ITFG1: variants seen among roughly 807,000 people sequenced by gnomAD.
ITFG1 encodes the protein T-cell immunomodulatory protein.
ITFG1 carries 34 observed loss-of-function variants against 81.8 expected under a neutral mutation model. The observed-to-expected ratio is 0.42, with a 90% CI of 0.32 to 0.55. ITFG1 has a LOEUF of 0.55. Among genes scored for constraint, ITFG1 ranks in the 20% least tolerant of loss-of-function variants. The pLI is 0.17. For missense variants in ITFG1, 672 were observed against 755.4 expected (o/e 0.89, Z 1.29); for synonymous variants, 285 against 270.6 (o/e 1.05, Z -0.52).
At chr16:47,450,546 T>A (rs892910374) in intron 5 of ITFG1, 1 of 230,696 alleles carries the variant, frequency 4.3e-6, no homozygotes, top group Non-Finnish European at 9.0e-6. Context: ...TACCTACAAA[T>A]CACATTTCAA....
chr16:47,302,821 T>A (rs1342067261), intron 10 of ITFG1, among the ~76,000 whole-genome samples: 1 of 152,252 alleles, frequency 6.6e-6, no homozygotes. Context: ...CTAATTCTCA[T>A]GCCACTGTGC....
At chr16:47,237,674 C>G (rs1359565171) in intron 13 of ITFG1, among the ~76,000 whole-genome samples, 1 of 152,024 alleles carries the variant, frequency 6.6e-6, no homozygotes, top group Admixed American at 6.5e-5. Flanking sequence ...GGCATCTAAT[C>G]TAAACAAGTG....
intron 10 of ITFG1, among the ~76,000 whole-genome samples, chr16:47,293,026 CTA>C (rs1236611755): frequency 4.7e-5 from 7 of 148,444 alleles, no homozygotes; most frequent in Admixed American, 6.8e-5. Context: ...TGCTCTCTCT[CTA>C]TATATATATG....
At chr16:47,312,214 T>C (rs973037628) in intron 9 of ITFG1, 1 of 152,214 alleles carries the variant, frequency 6.6e-6, no homozygotes, top group Admixed American at 6.5e-5. Flanking sequence ...AAGTTATAGT[T>C]GTGCCCACAA....
chr16:47,344,963 C>A (rs1967831970), intron 8 of ITFG1, among the ~76,000 whole-genome samples: 1 of 152,184 alleles, frequency 6.6e-6, no homozygotes, highest in Non-Finnish European at 1.5e-5. Flanking sequence ...CTTATCCATT[C>A]ATCTGTTGAT....
intron 14 of ITFG1, among the ~76,000 whole-genome samples, chr16:47,189,059 C>A (rs1965261295): frequency 6.6e-6 from 1 of 152,190 alleles, no homozygotes; most frequent in Non-Finnish European, 1.5e-5. Context: ...CCACCACACC[C>A]AGCCCCATAA....
chr16:47,433,857 AATATATATATATATATATATATATATAT>A (rs4038737), intron 5 of ITFG1, among the ~76,000 whole-genome samples: 1,355 of 38,398 alleles, frequency 0.035, 63 homozygotes, highest in African/African-American at 0.085. Flanking sequence ...ATAAAAACTG[AATATATATATATATATATATATATATAT>A]ATATATATAT....
chr16:47,324,614 T>A (rs1325758722), intron 8 of ITFG1, among the ~76,000 whole-genome samples: 1 of 152,060 alleles, frequency 6.6e-6, no homozygotes, highest in Admixed American at 6.6e-5. Flanking sequence ...GAGACACACA[T>A]AGGCTCAAAA....
intron 5 of ITFG1, among the ~76,000 whole-genome samples, chr16:47,444,945 T>G (rs1969304061): frequency 6.6e-6 from 1 of 152,118 alleles, no homozygotes; most frequent in African/African-American, 2.4e-5. Context: ...CTCTCAACAA[T>G]AATGGATTTT....
At chr16:47,160,055 ATACTGT>A (rs1964776790) in intron 16 of ITFG1, among the ~76,000 whole-genome samples, 1 of 152,090 alleles carries the variant, frequency 6.6e-6, no homozygotes, top group Admixed American at 6.6e-5. Flanking sequence ...AAGAAAACAA[ATACTGT>A]TAATTAGTTG....
At chr16:47,222,676 G>A (rs1409806157) in intron 13 of ITFG1, among the ~76,000 whole-genome samples, 1 of 152,230 alleles carries the variant, frequency 6.6e-6, no homozygotes, top group African/African-American at 2.4e-5. Context: ...GCCTCCCAAA[G>A]TGCTGGGATT....
intron 8 of ITFG1, among the ~76,000 whole-genome samples, chr16:47,322,131 C>A (rs1041422365): frequency 6.6e-6 from 1 of 152,018 alleles, no homozygotes; most frequent in East Asian, 1.9e-4. Context: ...GAGAAGTCTA[C>A]AAAGTACTAG....
intron 8 of ITFG1, among the ~76,000 whole-genome samples, chr16:47,345,872 C>G (rs1434907151): frequency 6.6e-6 from 1 of 152,174 alleles, no homozygotes; most frequent in Middle Eastern, 3.2e-3. Flanking sequence ...ATGCACCCAA[C>G]ATCGGAGCAC....
At chr16:47,365,625 G>A in intron 8 of ITFG1, 163 bp downstream of exon 8, 1 of 486,988 alleles carries the variant, frequency 2.1e-6, no homozygotes, top group Non-Finnish European at 3.7e-6. Flanking sequence ...GAATTGACAT[G>A]TCACATACAA....
chr16:47,359,776 T>C (rs1968086126), intron 8 of ITFG1, among the ~76,000 whole-genome samples: 1 of 152,234 alleles, frequency 6.6e-6, no homozygotes, highest in Non-Finnish European at 1.5e-5. Flanking sequence ...CTTCTACAAC[T>C]TCACTCAAGT....
chr16:47,270,717 C>T (rs992154348), intron 10 of ITFG1, among the ~76,000 whole-genome samples: 1 of 152,056 alleles, frequency 6.6e-6, no homozygotes, highest in African/African-American at 2.4e-5. Flanking sequence ...GAATATTCCT[C>T]AGGAATAATA....
chr16:47,452,704 C>T (rs1353734500), intron 4 of ITFG1, 29 bp downstream of exon 4: 9 of 1,466,026 alleles, frequency 6.1e-6, no homozygotes, highest in Non-Finnish European at 7.5e-6. Flanking sequence ...AGTTTAAAAT[C>T]GTTTCAAAGG....
intron 6 of ITFG1, among the ~76,000 whole-genome samples, chr16:47,404,222 G>A (rs1235965235): frequency 6.6e-6 from 1 of 152,090 alleles, no homozygotes; most frequent in Non-Finnish European, 1.5e-5. Context: ...TATGGTAAGT[G>A]CACTTATTAC....
chr16:47,430,575 T>C (rs997924464), intron 5 of ITFG1, among the ~76,000 whole-genome samples: 1 of 152,142 alleles, frequency 6.6e-6, no homozygotes, highest in African/African-American at 2.4e-5. Context: ...AATCAGAAAA[T>C]AAATGATTAA....
Sources: allele counts gnomAD v4.1 joint callset (sites outside exome capture counted in the v4.1 genomes callset), GRCh38; gene constraint gnomAD v4.1.1; transcripts MANE v1.5; gene names NCBI Gene and HGNC (gene_info 2026-07-23, HGNC 2026-07-21).